TMEM260: variants seen among roughly 807,000 people sequenced by gnomAD.
TMEM260 encodes the protein transmembrane protein 260.
In TMEM260, 82 loss-of-function variants were observed where a neutral mutation model predicts 88.9. That is an observed-to-expected ratio of 0.92 (90% confidence interval 0.77 to 1.11). The LOEUF is 1.11. Ranked by LOEUF, TMEM260 falls within the 50% of genes least tolerant of loss-of-function variation. The probability of loss-of-function intolerance (pLI) is 0.00; values close to 1 mark genes in which losing one functional copy is unlikely to be tolerated. For missense variants in TMEM260, 902 were observed against 853.4 expected, an observed-to-expected ratio of 1.06 and a Z score of -0.71; for synonymous variants, 314 against 309.3, an observed-to-expected ratio of 1.02 and a Z score of -0.16.
At chr14:56,616,242 A>G in intron 8 of TMEM260, 3 of 426,914 alleles carry the variant, frequency 7.0e-6, no homozygotes, top group Non-Finnish European at 1.3e-5. Context: ...ATTACATCTA[A>G]GTAGACAGTC....
chr14:56,651,866 TTGCAAACTAATA>T (rs1458137521), downstream of TMEM260, among the ~76,000 whole-genome samples: 1 of 152,248 alleles, frequency 6.6e-6, no homozygotes, highest in Non-Finnish European at 1.5e-5. Flanking sequence ...TTCATAAACG[TTGCAAACTAATA>T]AATGGAGATT....
chr14:56,643,999 A>G (rs1889785050), intron 15 of TMEM260, among the ~76,000 whole-genome samples: 1 of 152,184 alleles, frequency 6.6e-6, no homozygotes, highest in Non-Finnish European at 1.5e-5. Context: ...GCTCAAGGAA[A>G]TAAAAGAGGA....
At position 56,618,633 on chromosome 14, in the gene TMEM260, G is replaced by A. The variant is rs764193089; in HGVS notation, c.1096G>A (p.Val366Ile). The change falls in exon 10 of 16, where the codon GTC becomes ATC. Residue 366 changes from valine to isoleucine, a missense_variant. Val to Ile is a conservative substitution (Grantham distance 29, BLOSUM62 3). Coordinates refer to ENST00000261556, the MANE Select transcript of TMEM260 (RefSeq NM_017799.4). ...GATGCAGAGCAATGCAGTAGTGGCC[G>A]TCCTCGCTGGCATTGGTTTGGCTGC... ...FWMQSNAVVA[V>I]LAGIGLAAVV... The A allele has an allele frequency of 3.2e-5, 51 of 1,614,052 alleles. No individual in the cohort carries two copies. Among genetic ancestry groups the A allele is most frequent in the South Asian group, 8.8e-5 (8 of 91,088 alleles).
Position 56,634,907 on chromosome 14 carries a change from C to T in TMEM260, c.1733C>T (p.Pro578Leu), listed in dbSNP as rs1024613508. The T allele has an allele frequency of 5.0e-6, 8 of 1,613,582 alleles. No individual in the cohort carries two copies. Among genetic ancestry groups the T allele is most frequent in the Non-Finnish European group, 6.8e-6 (8 of 1,179,868 alleles). The change falls in exon 14 of 16, where the codon CCA becomes CTA. Residue 578 changes from proline (P) to leucine (L), a missense_variant. Transcript: ENST00000261556. Reference sequence around the variant, plus strand: ...TTTTCTTGTAACTACAGGTTTGATCCATCTTCTTGGGAATCTGTGGCCAAT... The same window carrying T: ...TTTTCTTGTAACTACAGGTTTGATCTATCTTCTTGGGAATCTGTGGCCAAT... ...NWTEEYGRFD[P>L]SSWESVANEE...
At chr14:56,586,389 GT>G (rs1885504946) in intron 3 of TMEM260, among the ~76,000 whole-genome samples, 1 of 152,126 alleles carries the variant, frequency 6.6e-6, no homozygotes, top group African/African-American at 2.4e-5. Context: ...TTGGGATGTG[GT>G]TTTAGTAAGG....
At chr14:56,631,604 C>T (rs1291028336) in intron 12 of TMEM260, among the ~76,000 whole-genome samples, 1 of 127,948 alleles carries the variant, frequency 7.8e-6, no homozygotes, top group Non-Finnish European at 1.6e-5. Flanking sequence ...TCCTGGGCTA[C>T]AAAGCAAGAC....
At chr14:56,631,507 C>T (rs1347637955) in intron 12 of TMEM260, among the ~76,000 whole-genome samples, 1 of 152,004 alleles carries the variant, frequency 6.6e-6, no homozygotes, top group Admixed American at 6.6e-5. Context: ...CCTGTAATCC[C>T]AGCTACTCCG....
At chr14:56,591,415 C>A (rs1182964750) in intron 3 of TMEM260, among the ~76,000 whole-genome samples, 1 of 152,172 alleles carries the variant, frequency 6.6e-6, no homozygotes, top group Non-Finnish European at 1.5e-5. Flanking sequence ...TACCCTCATT[C>A]TGTTGACTTT....
chr14:56,634,349 C>T lies in TMEM260; in HGVS notation c.1725-550C>T, dbSNP rs1260904630. Reference sequence around the variant, plus strand: ...GCTCCCCAGAGACTTTCAATGTCTTCCTGTTAATCTTCTGTTTGCTCTCTT... The same window carrying T: ...GCTCCCCAGAGACTTTCAATGTCTTTCTGTTAATCTTCTGTTTGCTCTCTT... On this transcript the variant is annotated intron_variant, in intron 13 of 15. Coordinates refer to ENST00000261556, the MANE Select transcript of TMEM260 (RefSeq NM_017799.4). 2.6e-5 allele frequency among the ~76,000 whole-genome samples: 4 copies of T among 152,274 alleles called. No individual in the cohort carries two copies. In the East Asian group the frequency reaches 5.8e-4, roughly 22 times the overall value.
rs1402269816 is a variant in TMEM260 at position 56,648,668 on chromosome 14, A to C, written c.*1171A>C. Reference sequence around the variant, plus strand: ...ATTGTACTAGCAAAAGGGTCTGATCAAAGGTCTCCTGTGGAGCTTGCATGG... The same window carrying C: ...ATTGTACTAGCAAAAGGGTCTGATCCAAGGTCTCCTGTGGAGCTTGCATGG... On this transcript the variant is annotated 3_prime_UTR_variant, in exon 16 of 16. Coordinates refer to ENST00000261556, the MANE Select transcript of TMEM260 (RefSeq NM_017799.4). The C allele has an allele frequency of 6.5e-6, 1 of 152,678 alleles. No individual in the cohort carries two copies. Among genetic ancestry groups the C allele is most frequent in the East Asian group, 1.9e-4 (1 of 5,196 alleles). 9.5% of individuals were successfully genotyped at this position (152,678 alleles called of 1,614,324 possible).
chr14:56,634,826 G>A, intron 13 of TMEM260, 73 bp from the exon 14 acceptor site: 1 of 1,391,238 alleles, frequency 7.2e-7, no homozygotes. Context: ...TGGGCAGCAA[G>A]AGCAAAATTC....
rs761941988 is a variant in TMEM260, at chr14:56,647,172, GTTTT to G, written c.1870-67_1870-64del. On this transcript the variant is annotated intron_variant, in intron 15 of 15. Coordinates refer to ENST00000261556, the MANE Select transcript of TMEM260 (RefSeq NM_017799.4). ...TTTTTCTTGTTATTAATTCCTCTGT[GTTTT>G]TTTGTTTTTGAAAAAAAAAAAGTCA... The G allele has an allele frequency of 2.1e-4, 315 of 1,492,758 alleles. 1 individual carries two copies. Among genetic ancestry groups the G allele is most frequent in the Non-Finnish European group, 2.6e-4 (295 of 1,120,292 alleles). 92.5% of individuals were successfully genotyped at this position (1,492,758 alleles called of 1,614,324 possible). A position where few individuals can be genotyped will look rare whatever the true frequency, so the allele number is the denominator to read the frequency against.
chr14:56,605,767 T>C, intron 5 of TMEM260, 84 bp downstream of exon 5: 1 of 826,886 alleles, frequency 1.2e-6, no homozygotes, highest in Non-Finnish European at 1.9e-6. Context: ...AATTTCAGGC[T>C]TTAATTTTTC....
downstream of TMEM260, among the ~76,000 whole-genome samples, chr14:56,654,135 AT>A (rs374190350): frequency 1.5e-3 from 226 of 152,094 alleles, no homozygotes; most frequent in African/African-American, 5.2e-3. Flanking sequence ...CCAGAATGTA[AT>A]TTTTTTCCCC....
intron 12 of TMEM260, among the ~76,000 whole-genome samples, chr14:56,626,942 C>T (rs1212235192): frequency 6.6e-6 from 1 of 152,110 alleles, no homozygotes; most frequent in African/African-American, 2.4e-5. Context: ...CATATTCATA[C>T]ATACTGTATT....
intron 11 of TMEM260, among the ~76,000 whole-genome samples, chr14:56,624,548 G>C (rs1431354156): frequency 6.6e-6 from 1 of 152,196 alleles, no homozygotes; most frequent in Non-Finnish European, 1.5e-5. Flanking sequence ...CAGCCTGGGT[G>C]ACAGAGTGAG....
chr14:56,655,001 A>T (rs1298729265), downstream of TMEM260, among the ~76,000 whole-genome samples: 1 of 152,156 alleles, frequency 6.6e-6, no homozygotes, highest in African/African-American at 2.4e-5. Context: ...TGTAGTAAAA[A>T]TAGTAATAAT....
intron 14 of TMEM260, among the ~76,000 whole-genome samples, chr14:56,635,304 A>AAT (rs1888958566): frequency 6.6e-6 from 1 of 152,222 alleles, no homozygotes; most frequent in Non-Finnish European, 1.5e-5. Flanking sequence ...AGTAGAAATT[A>AAT]ATCATTACAA....
chr14:56,603,913 TAAAC>T lies in TMEM260; in HGVS notation c.446_449del (p.Asn149IlefsTer26), dbSNP rs752079498. The T allele has an allele frequency of 1.2e-6, 2 of 1,613,692 alleles. No homozygotes were observed. Among genetic ancestry groups the T allele is most frequent in the South Asian group, 1.1e-5 (1 of 91,016 alleles). Reference sequence around the variant, plus strand: ...TCCATTGCAGCAGAGGTTTTTAGCTTAAACAATCTCTTTGTGGGGCTGCTTATGG... The same window carrying T: ...TCCATTGCAGCAGAGGTTTTTAGCTTAATCTCTTTGTGGGGCTGCTTATGG... On this transcript the variant is annotated frameshift_variant, in exon 4 of 16. Coordinates refer to ENST00000261556, the MANE Select transcript of TMEM260 (RefSeq NM_017799.4). LOFTEE classifies it high-confidence loss of function.
Sources: allele counts gnomAD v4.1 joint callset (sites outside exome capture counted in the v4.1 genomes callset), GRCh38; gene constraint gnomAD v4.1.1; transcripts MANE v1.5; gene names NCBI Gene and HGNC (gene_info 2026-07-23, HGNC 2026-07-21).